TRPC5: variants seen among roughly 807,000 people sequenced by gnomAD.
TRPC5 encodes the protein short transient receptor potential channel 5.
In TRPC5, 9 loss-of-function variants were observed where a neutral mutation model predicts 56.5. The observed-to-expected ratio is 0.16, with a 90% CI of 0.10 to 0.28. The LOEUF is 0.28. Ranked by LOEUF, TRPC5 falls within the 10% of genes least tolerant of loss-of-function variation. TRPC5 has a pLI of 1.00. For missense variants in TRPC5, 469 were observed against 748.9 expected, an observed-to-expected ratio of 0.63 and a Z score of 4.36; for synonymous variants, 282 against 278.5, an observed-to-expected ratio of 1.01 and a Z score of -0.13.
In TRPC5 at chrX:111,810,758, A is replaced by T. The variant is rs750871578; in HGVS notation, c.1896+24163T>A. Among the ~76,000 whole-genome samples the T allele has an allele frequency of 4.5e-5, 5 of 111,931 alleles. No individual in the cohort carries two copies. The South Asian group carries it at 1.5e-3, about 33-fold the overall frequency. On this transcript the variant is annotated intron_variant, in intron 7 of 10. Coordinates refer to ENST00000262839, the MANE Select transcript of TRPC5 (RefSeq NM_012471.3). ...CATTTTTAAGAAGAAAGGCATTTTT[A>T]ATAAAAGTGTAATTTTATCTCTAAT...
chrX:111,909,291 C>T (rs984641282), intron 3 of TRPC5, among the ~76,000 whole-genome samples: 5 of 107,462 alleles, frequency 4.7e-5, no homozygotes, highest in East Asian at 5.7e-4. Flanking sequence ...GATTGTGCCA[C>T]GGCACTCCAG....
chrX:111,971,624 A>G (rs1927787328), intron 1 of TRPC5, among the ~76,000 whole-genome samples: 1 of 111,886 alleles, frequency 8.9e-6, no homozygotes, highest in Non-Finnish European at 1.9e-5. Flanking sequence ...AACCAGCCCA[A>G]GATCTTTCCT....
chrX:112,019,631 T>A (rs899618874), intron 1 of TRPC5, among the ~76,000 whole-genome samples: 2 of 111,283 alleles, frequency 1.8e-5, no homozygotes, highest in East Asian at 5.7e-4. Context: ...GAGATGGGAT[T>A]TCACCGTGTT....
At chrX:111,856,554 A>AATG (rs1923236593) in intron 3 of TRPC5, among the ~76,000 whole-genome samples, 1 of 103,266 alleles carries the variant, frequency 9.7e-6, no homozygotes, top group Admixed American at 1.1e-4. Context: ...TAATAATAAT[A>AATG]ATAATAATAA....
At chrX:111,948,425 T>C (rs948167327) in intron 2 of TRPC5, among the ~76,000 whole-genome samples, 3 of 111,511 alleles carry the variant, frequency 2.7e-5, no homozygotes, top group Non-Finnish European at 5.6e-5. Flanking sequence ...TTAAGCATGC[T>C]GAGTGCTTAG....
rs933635721 is a variant in TRPC5, at chrX:111,994,016, T to C, written c.-21-41575A>G. ...GAATGGTATTGCCTAGGTTTTCTTC[T>C]AGGGTTTTTATGGTTTTAGGACTAA... On this transcript the variant is annotated intron_variant, in intron 1 of 10. Transcript: ENST00000262839. Among the ~76,000 whole-genome samples the C allele has an allele frequency of 2.7e-5, 3 of 112,374 alleles. No individual in the cohort carries two copies. In the East Asian group the frequency reaches 8.3e-4, roughly 31 times the overall value.
intron 1 of TRPC5, among the ~76,000 whole-genome samples, chrX:111,988,177 A>G (rs1928261350): frequency 8.9e-6 from 1 of 111,900 alleles, no homozygotes; most frequent in South Asian, 3.8e-4. Context: ...TTCTACCTCT[A>G]AAGCAGATGC....
chrX:111,826,613 C>T (rs1187108807), intron 7 of TRPC5, among the ~76,000 whole-genome samples: 1 of 112,526 alleles, frequency 8.9e-6, no homozygotes, highest in East Asian at 2.8e-4. Flanking sequence ...TCATGATATG[C>T]CTACAGCTTG....
chrX:111,904,570 G>A (rs1925518058), intron 3 of TRPC5, among the ~76,000 whole-genome samples: 1 of 111,001 alleles, frequency 9.0e-6, no homozygotes, highest in African/African-American at 3.3e-5. Flanking sequence ...TCGTATAAGT[G>A]GGAGCTGAAC....
intron 1 of TRPC5, among the ~76,000 whole-genome samples, chrX:112,054,174 G>A (rs1292732888): frequency 8.9e-6 from 1 of 112,027 alleles, no homozygotes; most frequent in East Asian, 2.8e-4. Context: ...GGTGATGTGG[G>A]ATTAGAAAGT....
chrX:111,836,506 T>A (rs1355830113), intron 6 of TRPC5, among the ~76,000 whole-genome samples: 1 of 111,965 alleles, frequency 8.9e-6, no homozygotes, highest in Non-Finnish European at 1.9e-5. Flanking sequence ...AGCTGCCTTC[T>A]TATCATCAAG....
At chrX:112,078,071 C>A (rs755644354) in intron 1 of TRPC5, among the ~76,000 whole-genome samples, 1 of 111,729 alleles carries the variant, frequency 9.0e-6, no homozygotes, top group Non-Finnish European at 1.9e-5. Flanking sequence ...TTTCTAGATG[C>A]CTTGCTGTTG....
At chrX:111,901,295 A>G (rs773532718) in intron 3 of TRPC5, among the ~76,000 whole-genome samples, 173 of 111,274 alleles carry the variant, frequency 1.6e-3, no homozygotes, top group African/African-American at 5.4e-3. Flanking sequence ...CTCAAGAAAG[A>G]CAGACAAACT....
chrX:112,015,920 T>G (rs1228379436), intron 1 of TRPC5, among the ~76,000 whole-genome samples: 1 of 111,666 alleles, frequency 9.0e-6, no homozygotes, highest in East Asian at 2.8e-4. Flanking sequence ...CATCTCCCCC[T>G]GCCATGGTTA....
At chrX:111,952,636 C>T (rs1927125117) in intron 1 of TRPC5, among the ~76,000 whole-genome samples, 195 bp from the exon 2 acceptor site, 1 of 110,932 alleles carries the variant, frequency 9.0e-6, no homozygotes, top group Non-Finnish European at 1.9e-5. Context: ...GGCTTAAATC[C>T]TGGTTTTATG....
intron 7 of TRPC5, among the ~76,000 whole-genome samples, chrX:111,822,467 A>G (rs1178016581): frequency 1.8e-5 from 2 of 112,216 alleles, no homozygotes; most frequent in African/African-American, 6.5e-5. Flanking sequence ...GTTCATGTTC[A>G]TCAGATTGTC....
In TRPC5 at chrX:111,776,994, C is replaced by A; in HGVS notation, c.2241G>T (p.Lys747Asn). ...GLTEENFKEL[K>N]QDISSFRYEV... is the part of the protein sequence containing the mutation. ...CATACCGAAAGCTGGAGATGTCTTG[C>A]TTTAATTCCTGGGAAAAGAGAGGAG... The change falls in exon 11 of 11, where the codon AAG becomes AAT. Residue 747 changes from lysine to asparagine, a missense_variant. By Grantham distance (94) the Lys-to-Asn change is moderately conservative. Coordinates refer to ENST00000262839, the MANE Select transcript of TRPC5 (RefSeq NM_012471.3). 1 of 1,130,647 alleles carries A rather than the reference C, an allele frequency of 8.8e-7. No homozygotes were observed. Among genetic ancestry groups the A allele is most frequent in the Non-Finnish European group, 1.2e-6 (1 of 857,188 alleles). The allele number at this position is 1,130,647 out of a possible 1,213,427, so 93.2% of individuals were successfully genotyped here.
chrX:111,976,239 G>A (rs1927925713), intron 1 of TRPC5, among the ~76,000 whole-genome samples: 1 of 110,878 alleles, frequency 9.0e-6, no homozygotes, highest in African/African-American at 3.3e-5. Context: ...CTTGGGCAAT[G>A]TGGCAAAACC....
At chrX:111,810,298 C>T (rs770059319) in intron 7 of TRPC5, among the ~76,000 whole-genome samples, 1 of 111,044 alleles carries the variant, frequency 9.0e-6, no homozygotes, top group South Asian at 3.9e-4. Context: ...ACTCAAATGC[C>T]AGAAAGTGGA....
Sources: allele counts gnomAD v4.1 joint callset (sites outside exome capture counted in the v4.1 genomes callset), GRCh38; gene constraint gnomAD v4.1.1; transcripts MANE v1.5; gene names NCBI Gene and HGNC (gene_info 2026-07-23, HGNC 2026-07-21).